The following SLC35D4 variants were observed in gnomAD, a reference collection of about 807,000 sequenced individuals.
The protein encoded by SLC35D4 is UDP-N-acetylglucosamine transporter SLC35D4.
At chr18:23,308,848 T>TTCTCTCTCTCTCTCTCTC in the SLC35D4 span, among the ~76,000 whole-genome samples, 8 of 140,270 alleles carry the variant, frequency 5.7e-5, no homozygotes, top group African/African-American at 2.2e-4. Context: ...AGCACGTGTT[T>TTCTCTCTCTCTCTCTCTC]TCTCTCTCTC....
the SLC35D4 span, among the ~76,000 whole-genome samples, chr18:23,428,863 C>T: frequency 3.3e-5 from 5 of 152,142 alleles, no homozygotes; most frequent in Non-Finnish European, 7.3e-5. Context: ...TTGGGGAATC[C>T]CCAGTGTCTA....
the SLC35D4 span, among the ~76,000 whole-genome samples, chr18:23,419,802 C>T: frequency 6.6e-6 from 1 of 151,938 alleles, no homozygotes; most frequent in African/African-American, 2.4e-5. Context: ...TTACTGCAGT[C>T]CTCTAAGAAA....
At chr18:23,411,482 AT>A in the SLC35D4 span, among the ~76,000 whole-genome samples, 1 of 129,266 alleles carries the variant, frequency 7.7e-6, no homozygotes, top group African/African-American at 3.0e-5. Context: ...AAAGAAAGAG[AT>A]AGAAAGAAAG....
the SLC35D4 span, among the ~76,000 whole-genome samples, chr18:23,269,227 G>A: frequency 6.6e-6 from 1 of 152,202 alleles, no homozygotes; most frequent in African/African-American, 2.4e-5. Context: ...CCCAGTGGGA[G>A]ATAATTGAAT....
chr18:23,404,374 T>C, the SLC35D4 span, among the ~76,000 whole-genome samples: 1 of 152,012 alleles, frequency 6.6e-6, no homozygotes, highest in South Asian at 2.1e-4. Flanking sequence ...GGGATTAGTG[T>C]CCTTATAAAA....
At chr18:23,373,359 G>A in the SLC35D4 span, among the ~76,000 whole-genome samples, 1 of 152,222 alleles carries the variant, frequency 6.6e-6, no homozygotes, top group African/African-American at 2.4e-5. Flanking sequence ...TGCAGGAGAT[G>A]AGGCCCTTGG....
the SLC35D4 span, among the ~76,000 whole-genome samples, chr18:23,381,743 T>C: frequency 6.6e-6 from 1 of 152,148 alleles, no homozygotes; most frequent in Non-Finnish European, 1.5e-5. Context: ...ACATCTGCCC[T>C]CATCTCTAGA....
chr18:23,356,499 C>T, the SLC35D4 span: 4 of 1,284,956 alleles, frequency 3.1e-6, no homozygotes, highest in Non-Finnish European at 4.5e-6. The surrounding 1 kb of genome is among the most constrained non-coding windows in gnomAD (Gnocchi z 4.1). Flanking sequence ...TCTCCTGCCA[C>T]TCACTCAGGT....
At chr18:23,283,653 T>C in the SLC35D4 span, among the ~76,000 whole-genome samples, 1 of 150,344 alleles carries the variant, frequency 6.7e-6, no homozygotes, top group African/African-American at 2.4e-5. Context: ...CTACTAAAAA[T>C]ACAAAATTAG....
chr18:23,355,309 G>A, the SLC35D4 span, among the ~76,000 whole-genome samples: 2 of 152,098 alleles, frequency 1.3e-5, no homozygotes, highest in African/African-American at 2.4e-5. Flanking sequence ...AACATCAATG[G>A]GCTGTGAACT....
chr18:23,317,957 C>T, the SLC35D4 span, among the ~76,000 whole-genome samples: 1 of 152,088 alleles, frequency 6.6e-6, no homozygotes, highest in Non-Finnish European at 1.5e-5. Context: ...AGGCTGATCT[C>T]GAACTCCTGA....
At chr18:23,306,655 T>C in the SLC35D4 span, among the ~76,000 whole-genome samples, 9 of 152,202 alleles carry the variant, frequency 5.9e-5, no homozygotes, top group South Asian at 1.9e-3. Flanking sequence ...AGCTAAGCAA[T>C]ACTATGCTTT....
At chr18:23,352,327 T>A in the SLC35D4 span, 11 of 1,571,112 alleles carry the variant, frequency 7.0e-6, no homozygotes, top group Non-Finnish European at 9.5e-6. Context: ...GTGAGGCTTG[T>A]CTTCCCTTAG....
the SLC35D4 span, chr18:23,253,963 G>C: frequency 6.3e-7 from 1 of 1,598,020 alleles, no homozygotes; most frequent in Non-Finnish European, 8.6e-7. Context: ...CTGGTGGCTG[G>C]AGGAGCACAT....
chr18:23,334,650 A>T, the SLC35D4 span, among the ~76,000 whole-genome samples: 1 of 152,178 alleles, frequency 6.6e-6, no homozygotes, highest in Non-Finnish European at 1.5e-5. Flanking sequence ...AACACCAAAC[A>T]TCTTTATCTA....
the SLC35D4 span, among the ~76,000 whole-genome samples, chr18:23,306,231 AAAG>A: frequency 5.9e-5 from 9 of 152,210 alleles, no homozygotes; most frequent in East Asian, 1.9e-4. Flanking sequence ...GCAAAAAAAA[AAAG>A]AAGAAGGAAG....
chr18:23,324,217 T>C, the SLC35D4 span, among the ~76,000 whole-genome samples: 1 of 152,156 alleles, frequency 6.6e-6, no homozygotes, highest in African/African-American at 2.4e-5. Flanking sequence ...GGCAGCCATC[T>C]GAAACCCCAG....
chr18:23,287,507 T>G, the SLC35D4 span, among the ~76,000 whole-genome samples: 461 of 152,240 alleles, frequency 3.0e-3, 5 homozygotes, highest in South Asian at 0.026. Flanking sequence ...AAAAACACAC[T>G]TGCTCTCCCT....
the SLC35D4 span, among the ~76,000 whole-genome samples, chr18:23,313,300 T>C: frequency 2.0e-5 from 3 of 151,624 alleles, no homozygotes; most frequent in Non-Finnish European, 4.4e-5. Context: ...CTCTGAGACA[T>C]GTAGGAACAT....
Sources: allele counts gnomAD v4.1 joint callset (sites outside exome capture counted in the v4.1 genomes callset), GRCh38; gene constraint gnomAD v4.1.1; non-coding constraint Gnocchi (gnomAD v3.1); transcripts MANE v1.5; gene names NCBI Gene and HGNC (gene_info 2026-07-23, HGNC 2026-07-21).